The following THSD7B variants were observed in gnomAD, a reference collection of about 807,000 sequenced individuals.
THSD7B encodes thrombospondin type-1 domain-containing protein 7B.
In THSD7B, 138 loss-of-function variants were observed where a neutral mutation model predicts 213.6. The observed-to-expected ratio is 0.65, with a 90% CI of 0.56 to 0.74. The LOEUF (loss-of-function observed/expected upper bound fraction) is 0.74, where lower values mean the gene tolerates loss of function less well. THSD7B is among the 30% of genes least tolerant of loss of function. The pLI is 0.00. For synonymous variants in THSD7B, 742 were observed against 687.0 expected, an observed-to-expected ratio of 1.08 and a Z score of -1.25; for missense variants, 1,931 against 1,991.5, an observed-to-expected ratio of 0.97 and a Z score of 0.58.
intron 14 of THSD7B, among the ~76,000 whole-genome samples, chr2:137,425,940 C>T (rs1344291400): frequency 6.6e-6 from 1 of 152,162 alleles, no homozygotes; most frequent in Non-Finnish European, 1.5e-5. Flanking sequence ...ATCCTAAATA[C>T]TCCACCAAAG....
At chr2:137,160,411 C>A in intron 6 of THSD7B, 43 bp downstream of exon 6, 2 of 1,600,060 alleles carry the variant, frequency 1.2e-6, no homozygotes, top group Non-Finnish European at 1.7e-6. Context: ...TGTCAGCGTA[C>A]AAACATTTAT....
chr2:137,054,701 T>C (rs1473922608), intron 2 of THSD7B, among the ~76,000 whole-genome samples: 1 of 152,092 alleles, frequency 6.6e-6, no homozygotes, highest in African/African-American at 2.4e-5. Flanking sequence ...TCTTAGGGTC[T>C]GAAGTGCCTT....
At chr2:137,326,730 A>T (rs1226725283) in intron 12 of THSD7B, among the ~76,000 whole-genome samples, 1 of 152,210 alleles carries the variant, frequency 6.6e-6, no homozygotes, top group Non-Finnish European at 1.5e-5. Context: ...AAGATGCTGG[A>T]ATGAACAGTT....
chr2:136,770,135 G>A (rs1427604), intron 1 of THSD7B, among the ~76,000 whole-genome samples: 96,553 of 152,082 alleles, frequency 0.63, 30,970 homozygotes, highest in East Asian at 0.88. Context: ...TGTTGAGTAA[G>A]GCTCTGAACT....
chr2:136,900,189 C>T (rs563779460), intron 2 of THSD7B, among the ~76,000 whole-genome samples: 2 of 152,294 alleles, frequency 1.3e-5, no homozygotes, highest in South Asian at 2.1e-4. Context: ...CTTTGTGCCC[C>T]ACTAATGCTG....
chr2:137,203,031 G>C (rs1179665438), intron 7 of THSD7B, among the ~76,000 whole-genome samples: 1 of 109,982 alleles, frequency 9.1e-6, no homozygotes, highest in Non-Finnish European at 1.9e-5. Flanking sequence ...AACAGACATA[G>C]ATAGATAATG....
At chr2:137,391,012 G>A (rs748528912) in intron 12 of THSD7B, among the ~76,000 whole-genome samples, 4 of 151,872 alleles carry the variant, frequency 2.6e-5, no homozygotes, top group Non-Finnish European at 5.9e-5. Context: ...GTGTGTTGTT[G>A]TTGTTGTATT....
intron 26 of THSD7B, among the ~76,000 whole-genome samples, chr2:137,667,462 A>G (rs1359677493): frequency 6.6e-6 from 1 of 152,226 alleles, no homozygotes; most frequent in Non-Finnish European, 1.5e-5. Flanking sequence ...GTTTATCTGT[A>G]AAAGTTCATT....
intron 7 of THSD7B, among the ~76,000 whole-genome samples, chr2:137,194,331 A>G (rs1343379186): frequency 1.3e-5 from 2 of 152,228 alleles, no homozygotes; most frequent in Non-Finnish European, 2.9e-5. Context: ...TAAAGCTGCC[A>G]CAAGGGAAAA....
chr2:137,206,435 C>T (rs1680985411), intron 7 of THSD7B, among the ~76,000 whole-genome samples: 1 of 152,034 alleles, frequency 6.6e-6, no homozygotes, highest in African/African-American at 2.4e-5. Context: ...CTAGTTGCCA[C>T]TCAGAGGTTT....
chr2:137,282,918 G>C (rs963145048), intron 12 of THSD7B, among the ~76,000 whole-genome samples: 3 of 152,162 alleles, frequency 2.0e-5, no homozygotes, highest in Admixed American at 2.0e-4. Context: ...GAACTTTAAA[G>C]TAGTTTTTTT....
At chr2:137,474,345 G>T (rs188011572) in intron 15 of THSD7B, among the ~76,000 whole-genome samples, 27 of 152,194 alleles carry the variant, frequency 1.8e-4, no homozygotes, top group African/African-American at 6.5e-4. Flanking sequence ...AGATTGAATG[G>T]TTTCAGCTTT....
At chr2:136,892,640 G>A (rs974029727) in intron 2 of THSD7B, among the ~76,000 whole-genome samples, 1 of 151,858 alleles carries the variant, frequency 6.6e-6, no homozygotes, top group African/African-American at 2.4e-5. Context: ...TCTCAAGAAT[G>A]TCCTCTTGAG....
intron 13 of THSD7B, among the ~76,000 whole-genome samples, chr2:137,408,883 G>A (rs1395563213): frequency 6.6e-6 from 1 of 152,214 alleles, no homozygotes; most frequent in Non-Finnish European, 1.5e-5. Context: ...TGAAGGAGAA[G>A]TAGGCGTTAG....
intron 12 of THSD7B, among the ~76,000 whole-genome samples, chr2:137,364,108 A>G (rs954822664): frequency 6.6e-6 from 1 of 152,228 alleles, no homozygotes; most frequent in African/African-American, 2.4e-5. Flanking sequence ...AATAAACATA[A>G]TCCAGCATAT....
At chr2:137,141,369 T>C (rs1679580927) in intron 5 of THSD7B, among the ~76,000 whole-genome samples, 1 of 151,808 alleles carries the variant, frequency 6.6e-6, no homozygotes, top group Non-Finnish European at 1.5e-5. Context: ...AGACAGCAGA[T>C]TAGAGGTAGC....
chr2:136,963,156 ACT>A (rs1422326217), intron 2 of THSD7B, among the ~76,000 whole-genome samples: 2 of 152,084 alleles, frequency 1.3e-5, no homozygotes, highest in African/African-American at 4.8e-5. Context: ...TCCTGGCCCA[ACT>A]CTCTGAAAAA....
chr2:137,326,302 A>C (rs1223317242), intron 12 of THSD7B, among the ~76,000 whole-genome samples: 1 of 152,200 alleles, frequency 6.6e-6, no homozygotes, highest in Non-Finnish European at 1.5e-5. Context: ...TTATAACAAT[A>C]CATGAACATG....
chr2:136,935,486 G>A (rs1346187455), intron 2 of THSD7B, among the ~76,000 whole-genome samples: 1 of 152,094 alleles, frequency 6.6e-6, no homozygotes, highest in Non-Finnish European at 1.5e-5. Context: ...AAACTGGATG[G>A]AAGATTTGAA....
Sources: gnomAD v4.1 joint callset for allele counts (sites outside exome capture counted in the v4.1 genomes callset) on GRCh38, gnomAD v4.1.1 for gene constraint, MANE v1.5 for transcripts, NCBI Gene and HGNC (gene_info 2026-07-23, HGNC 2026-07-21) for gene names.